MFSD2B: variants seen among roughly 807,000 people sequenced by gnomAD.
The protein encoded by MFSD2B is sphingosine-1-phosphate transporter MFSD2B.
In MFSD2B, 56 loss-of-function variants were observed where a neutral mutation model predicts 58.4. The ratio of observed to expected loss-of-function variants is 0.96; its 90% CI spans 0.77 to 1.20. The LOEUF is 1.20. MFSD2B is among the 50% of genes most tolerant of loss of function. The pLI, the probability that MFSD2B is intolerant of heterozygous loss-of-function variation, is 0.00. For synonymous variants in MFSD2B, 287 were observed against 294.4 expected (o/e 0.97, Z 0.26); for missense variants, 645 against 667.6 (o/e 0.97, Z 0.37).
rs535592623 is a variant in MFSD2B, at chr2:24,018,787, C to T, written c.681+1199C>T. 82 of 164,626 alleles carry T rather than the reference C, an allele frequency of 5.0e-4. 1 individual carries two copies. Among genetic ancestry groups the T allele is most frequent in the Admixed American group, 6.5e-4 (10 of 15,408 alleles). The allele number at this position is 164,626 out of a possible 1,614,324, so 10.2% of individuals were successfully genotyped here. The stretch of plus-strand genomic sequence containing the variant: ...TCAGGACTGGGCATGGGCTGCCCTC[C>T]GCAGCCTTCATGTAGGCCTCTCCTC... On this transcript the variant is annotated intron_variant, in intron 6 of 13. Coordinates refer to ENST00000338315, the MANE Select transcript of MFSD2B (RefSeq NM_001346880.2).
chr2:24,015,556 T>C (rs1161715757), intron 2 of MFSD2B, among the ~76,000 whole-genome samples: 2 of 152,234 alleles, frequency 1.3e-5, no homozygotes, highest in Admixed American at 6.5e-5. Context: ...CAAGCACACA[T>C]GAAGAAGCCT....
intron 2 of MFSD2B, among the ~76,000 whole-genome samples, chr2:24,014,342 C>T (rs377573837): frequency 3.3e-5 from 5 of 151,836 alleles, no homozygotes; most frequent in Non-Finnish European, 5.9e-5. Flanking sequence ...TTAGTAGAGA[C>T]GGGGTTTCGC....
rs1193755970 is a variant in MFSD2B at position 24,021,193 on chromosome 2, C to T, written c.682-455C>T. 1.3e-5 allele frequency among the ~76,000 whole-genome samples: 2 copies of T among 152,214 alleles called. No homozygotes were observed. Among genetic ancestry groups the T allele is most frequent in the African/African-American group, 2.4e-5 (1 of 41,548 alleles). ...GATGACAGGCATGAGCCACCGCGCCCGGCCCTGCTTCCTCCATTAATCTGA... is the reference window on the plus strand; with the variant it reads ...GATGACAGGCATGAGCCACCGCGCCTGGCCCTGCTTCCTCCATTAATCTGA... On this transcript the variant is annotated intron_variant, in intron 6 of 13. Transcript: ENST00000338315. This position sits in a 1 kb window ranked among gnomAD's most constrained non-coding sequence, Gnocchi z 5.7.
In MFSD2B at chr2:24,023,836, C is replaced by T. The variant is rs930572099; in HGVS notation, c.1313+110C>T. The T allele has an allele frequency of 1.5e-5, 20 of 1,341,800 alleles. No homozygotes were observed. The East Asian group carries it at 3.0e-4, about 20-fold the overall frequency. The allele number at this position is 1,341,800 out of a possible 1,614,324, so 83.1% of individuals were successfully genotyped here. On this transcript the variant is annotated intron_variant, in intron 12 of 13. Coordinates refer to ENST00000338315, the MANE Select transcript of MFSD2B (RefSeq NM_001346880.2). This position sits in a 1 kb window ranked among gnomAD's most constrained non-coding sequence, Gnocchi z 5.0. ...GGCATCCATGAGCCTGGGGCCTAAG[C>T]GCTACTCTTTGGAGAGTGTGGGGAA...
chr2:24,017,042 G>A lies in MFSD2B; in HGVS notation c.471+74G>A, dbSNP rs1709174584. 1 of 1,575,690 alleles carries A rather than the reference G, an allele frequency of 6.3e-7. No homozygotes were observed. The highest frequency in any genetic ancestry group is 1.2e-5 in the South Asian group (1 of 86,732). ...GGCCATGGCCACTCTGAAGTGTGCTGTGGGGGCAGGGCTGCCGCCCTCCCC... is the reference window on the plus strand; with the variant it reads ...GGCCATGGCCACTCTGAAGTGTGCTATGGGGGCAGGGCTGCCGCCCTCCCC... On this transcript the variant is annotated intron_variant, in intron 4 of 13. Coordinates refer to ENST00000338315, the MANE Select transcript of MFSD2B (RefSeq NM_001346880.2). This position sits in a 1 kb window ranked among gnomAD's most constrained non-coding sequence, Gnocchi z 4.8.
Position 24,016,910 on chromosome 2 carries a change from C to A in MFSD2B, c.413C>A (p.Thr138Asn). ...TTCCTGTGGTTCCTGCCCCCCTTCA[C>A]CAGCCTGCGAGGCCTCTGGTACACG... ...YFFLWFLPPF[T>N]SLRGLWYTTF... Residue 138 changes from threonine to asparagine, a missense_variant, in exon 4 of 14, where the codon ACC becomes AAC. Physicochemically the swap from Thr to Asn is moderately conservative, Grantham distance 65. Transcript: ENST00000338315. 6.2e-7 allele frequency: 1 copy of A among 1,613,900 alleles called. No homozygotes were observed. Among genetic ancestry groups the A allele is most frequent in the Non-Finnish European group, 8.5e-7 (1 of 1,179,854 alleles).
In MFSD2B at chr2:24,024,208, T is replaced by A. The variant is rs1662902228; in HGVS notation, c.1427T>A (p.Leu476His). The A allele has an allele frequency of 6.2e-7, 1 of 1,613,408 alleles. No individual in the cohort carries two copies. Among genetic ancestry groups the A allele is most frequent in the Non-Finnish European group, 8.5e-7 (1 of 1,179,650 alleles). Residue 476 changes from leucine (L) to histidine (H), a missense_variant, in exon 13 of 14, where the codon CTC becomes CAC. Coordinates refer to ENST00000338315, the MANE Select transcript of MFSD2B (RefSeq NM_001346880.2). The surrounding 1 kb of genome is among the most constrained non-coding windows in gnomAD (Gnocchi z 4.3). The part of the protein sequence containing the change: ...TCMILAGLCI[L>H]MVGSTPKTPS... ...ATGATCCTTGCTGGGCTCTGCATCC[T>A]CATGGTCGGCTCCACTCCAAAGACA...
At chr2:24,013,120 G>T in intron 1 of MFSD2B, 165 bp from the exon 2 acceptor site, 7 of 528,388 alleles carry the variant, frequency 1.3e-5, no homozygotes, top group African/African-American at 1.9e-5. Context: ...TTTTCTCTTC[G>T]TCTCACTTCC....
In MFSD2B at chr2:24,022,723, G is replaced by A. The variant is rs1367207472; in HGVS notation, c.979-99G>A. The A allele has an allele frequency of 4.1e-5, 40 of 979,300 alleles. No individual in the cohort carries two copies. Among genetic ancestry groups the A allele is most frequent in the Non-Finnish European group, 5.7e-5 (38 of 672,042 alleles). The allele number at this position is 979,300 out of a possible 1,614,324, so 60.7% of individuals were successfully genotyped here. A position where few individuals can be genotyped will look rare whatever the true frequency, so the allele number is the denominator to read the frequency against. On this transcript the variant is annotated intron_variant, in intron 9 of 13. Coordinates refer to ENST00000338315, the MANE Select transcript of MFSD2B (RefSeq NM_001346880.2). This position sits in a 1 kb window ranked among gnomAD's most constrained non-coding sequence, Gnocchi z 4.5. ...AGCCACCGGTTTGAACCAGGGGCAAGGCCAAGGTCAGGCATCCAATCTAAA... is the reference window on the plus strand; with the variant it reads ...AGCCACCGGTTTGAACCAGGGGCAAAGCCAAGGTCAGGCATCCAATCTAAA...
In MFSD2B at chr2:24,016,948, C is replaced by G. The variant is rs1573636565; in HGVS notation, c.451C>G (p.Leu151Val). The G allele has an allele frequency of 6.2e-7, 1 of 1,613,910 alleles. No homozygotes were observed. The highest frequency in any genetic ancestry group is 8.5e-7 in the Non-Finnish European group (1 of 1,179,876). ...CCTCTGGTACACGACTTTCTACTGC[C>G]TGTTCCAGGCCCTGGCCACGGTAAG... Reference protein sequence around the residue: ...RGLWYTTFYCLFQALATFFQV... With the variant: ...RGLWYTTFYCVFQALATFFQV... The change falls in exon 4 of 14, where the codon CTG becomes GTG. Residue 151 changes from leucine (L) to valine (V), a missense_variant. Coordinates refer to ENST00000338315, the MANE Select transcript of MFSD2B (RefSeq NM_001346880.2).
intron 3 of MFSD2B, among the ~76,000 whole-genome samples, chr2:24,016,560 C>G (rs776575092): frequency 4.6e-5 from 7 of 152,170 alleles, no homozygotes; most frequent in African/African-American, 1.7e-4. Context: ...GAAGGCCATG[C>G]GAGGCCTCAC....
Position 24,013,267 on chromosome 2 carries a change from T to C in MFSD2B, c.97-18T>C. On this transcript the variant is annotated intron_variant, in intron 1 of 13. Coordinates refer to ENST00000338315, the MANE Select transcript of MFSD2B (RefSeq NM_001346880.2). ...TGTGTCTGTTGGGAGAAGGGCTTAGTTCCTGTGTCTCCTCCAGGACAGCAG... is the reference window on the plus strand; with the variant it reads ...TGTGTCTGTTGGGAGAAGGGCTTAGCTCCTGTGTCTCCTCCAGGACAGCAG... The C allele has an allele frequency of 6.3e-7, 1 of 1,587,868 alleles. No homozygotes were observed. Among genetic ancestry groups the C allele is most frequent in the Non-Finnish European group, 8.6e-7 (1 of 1,161,388 alleles).
intron 1 of MFSD2B, among the ~76,000 whole-genome samples, chr2:24,011,618 C>T (rs1034311506): frequency 6.6e-6 from 1 of 152,132 alleles, no homozygotes; most frequent in Non-Finnish European, 1.5e-5. Flanking sequence ...AGAAAAGAGC[C>T]CAGCTTCTTC....
Position 24,020,360 on chromosome 2 carries a change from T to C in MFSD2B, c.682-1288T>C, listed in dbSNP as rs1053396146. On this transcript the variant is annotated intron_variant, in intron 6 of 13. Transcript: ENST00000338315. The surrounding 1 kb of genome is among the most constrained non-coding windows in gnomAD (Gnocchi z 4.1). ...TCTCAAGACAGCAACAGCAGAGCAT[T>C]GAACCCCAGAGGCAGTGCCCTCCAG... 1.3e-5 allele frequency among the ~76,000 whole-genome samples: 2 copies of C among 152,230 alleles called. No individual in the cohort carries two copies. The highest frequency in any genetic ancestry group is 3.9e-4 in the East Asian group (2 of 5,174).
At chr2:24,013,162 G>C in intron 1 of MFSD2B, 123 bp from the exon 2 acceptor site, 1 of 988,834 alleles carries the variant, frequency 1.0e-6, no homozygotes, top group Non-Finnish European at 1.4e-6. Flanking sequence ...AAATGGGGCT[G>C]AGAGGTTGCT....
rs756378534 is a variant in MFSD2B, at chr2:24,017,339, G to T, written c.525G>T (p.Arg175Ser). ...CCATGCTGCTGACTCCCTGCCCAAG[G>T]GAGCGGGACTCGGCCACCGCCTACC... ...ALTMLLTPCP[R>S]ERDSATAYRM... The change falls in exon 5 of 14, where the codon AGG (arginine) becomes AGT (serine). Residue 175 changes from arginine (R) to serine (S), a missense_variant. Arg to Ser is a moderately radical substitution (Grantham distance 110). Transcript: ENST00000338315. The surrounding 1 kb of genome is among the most constrained non-coding windows in gnomAD (Gnocchi z 4.8). 5.0e-6 allele frequency: 8 copies of T among 1,606,688 alleles called. No individual in the cohort carries two copies. The African/African-American group carries it at 9.4e-5, about 19-fold the overall frequency.
rs1027095310 is a variant in MFSD2B at position 24,023,059 on chromosome 2, G to C, written c.1060-71G>C. 7.1e-7 allele frequency: 1 copy of C among 1,407,774 alleles called. No homozygotes were observed. The allele number at this position is 1,407,774 out of a possible 1,614,324, so 87.2% of individuals were successfully genotyped here. A position where few individuals can be genotyped will look rare whatever the true frequency, so the allele number is the denominator to read the frequency against. ...GGGCAAGGCATGGGGGTCGTCAGTC[G>C]AGTCGTGTGTGAAGGAGCAGGCCCC... On this transcript the variant is annotated intron_variant, in intron 10 of 13. Transcript: ENST00000338315. This position sits in a 1 kb window ranked among gnomAD's most constrained non-coding sequence, Gnocchi z 5.0.
In MFSD2B at chr2:24,012,556, A is replaced by G. The variant is rs1162388168; in HGVS notation, c.97-729A>G. On this transcript the variant is annotated intron_variant, in intron 1 of 13. Coordinates refer to ENST00000338315, the MANE Select transcript of MFSD2B (RefSeq NM_001346880.2). This position sits in a 1 kb window ranked among gnomAD's most constrained non-coding sequence, Gnocchi z 4.5. ...ACTGTGCGATTTATGTTATTACAAG[A>G]GCACTGGCTGCTGGGTGGAGTGGAT... 2.0e-5 allele frequency among the ~76,000 whole-genome samples: 3 copies of G among 152,162 alleles called. No individual in the cohort carries two copies. The highest frequency in any genetic ancestry group is 2.9e-5 in the Non-Finnish European group (2 of 68,026).
chr2:24,016,519 C>T (rs1709151170), intron 3 of MFSD2B, among the ~76,000 whole-genome samples: 1 of 152,216 alleles, frequency 6.6e-6, no homozygotes, highest in Admixed American at 6.5e-5. Context: ...CCAGGCCTGG[C>T]CTGGGGCACT....
Sources: allele counts gnomAD v4.1 joint callset (sites outside exome capture counted in the v4.1 genomes callset), GRCh38; gene constraint gnomAD v4.1.1; non-coding constraint Gnocchi (gnomAD v3.1); transcripts MANE v1.5; gene names NCBI Gene and HGNC (gene_info 2026-07-23, HGNC 2026-07-21).